The following PDE7B variants were observed in gnomAD, a reference collection of about 807,000 sequenced individuals.
The protein encoded by PDE7B is phosphodiesterase 7B.
A neutral mutation model predicts 56.2 loss-of-function variants in PDE7B; 29 were observed. The ratio of observed to expected loss-of-function variants is 0.52; its 90% CI spans 0.38 to 0.70. PDE7B has a LOEUF of 0.70. Among genes scored for constraint, PDE7B ranks in the 30% least tolerant of loss-of-function variants. The pLI, the probability that PDE7B is intolerant of heterozygous loss-of-function variation, is 0.00. For synonymous variants in PDE7B, 197 were observed against 196.9 expected (o/e 1.00, Z 0.00); for missense variants, 490 against 565.0 (o/e 0.87, Z 1.35).
rs75883735 is a variant in PDE7B at position 135,936,041 on chromosome 6, G to T, written c.22-11423G>T. ...TTTGTGGCTCAGAGGCTCTGCGTTT[G>T]CATGTTGGGCTTCATGTTCTGGAAG... On this transcript the variant is annotated intron_variant, in intron 1 of 12. Coordinates refer to ENST00000308191, the MANE Select transcript of PDE7B (RefSeq NM_018945.4). 1.7e-3 allele frequency among the ~76,000 whole-genome samples: 258 copies of T among 152,310 alleles called. 6 individuals carry two copies. In the East Asian group the frequency reaches 0.042, roughly 25 times the overall value.
intron 3 of PDE7B, among the ~76,000 whole-genome samples, chr6:136,147,047 C>A (rs942619945): frequency 6.6e-6 from 1 of 151,772 alleles, no homozygotes; most frequent in South Asian, 2.1e-4. Flanking sequence ...GAGGGTGAGG[C>A]GGGAGGATCG....
chr6:135,960,269 A>G (rs986971477), intron 2 of PDE7B, among the ~76,000 whole-genome samples: 2 of 152,202 alleles, frequency 1.3e-5, no homozygotes, highest in African/African-American at 4.8e-5. Flanking sequence ...TTTCCCTTGT[A>G]GCAACTGTAC....
At chr6:136,097,580 C>T (rs1054053479) in intron 2 of PDE7B, among the ~76,000 whole-genome samples, 4 of 152,170 alleles carry the variant, frequency 2.6e-5, no homozygotes, top group African/African-American at 9.7e-5. Flanking sequence ...CTCCATACTG[C>T]ACCCAAAGTT....
In PDE7B at chr6:136,191,560, T is replaced by G. The variant is rs553791124; in HGVS notation, c.1127-54T>G. The G allele has an allele frequency of 3.1e-5, 45 of 1,429,284 alleles. No homozygotes were observed. The South Asian group carries it at 5.3e-4, about 17-fold the overall frequency. The allele number at this position is 1,429,284 out of a possible 1,614,324, so 88.5% of individuals were successfully genotyped here. On this transcript the variant is annotated intron_variant, in intron 12 of 12. Transcript: ENST00000308191. ...GTCCCCAGTCATGCTCGGGAGGGAG[T>G]AAGGAGCGGGTTTCACCACGCTGTG...
intron 1 of PDE7B, among the ~76,000 whole-genome samples, chr6:135,932,790 C>A (rs1381465263): frequency 6.6e-6 from 1 of 152,174 alleles, no homozygotes; most frequent in Admixed American, 6.5e-5. Flanking sequence ...CACTTGTTTA[C>A]ACTTGCTTAA....
chr6:136,060,763 T>G (rs1008835458), intron 2 of PDE7B, among the ~76,000 whole-genome samples: 1 of 152,164 alleles, frequency 6.6e-6, no homozygotes, highest in African/African-American at 2.4e-5. Flanking sequence ...CTGTGCTGAG[T>G]AAATTCAAGG....
intron 1 of PDE7B, among the ~76,000 whole-genome samples, chr6:135,858,355 G>A (rs1250131313): frequency 1.3e-5 from 2 of 152,094 alleles, no homozygotes; most frequent in Non-Finnish European, 2.9e-5. Flanking sequence ...ATTTCACCAT[G>A]TTGGCCAGGC....
At chr6:135,922,639 C>T (rs1774105665) in intron 1 of PDE7B, among the ~76,000 whole-genome samples, 1 of 152,112 alleles carries the variant, frequency 6.6e-6, no homozygotes, top group African/African-American at 2.4e-5. Flanking sequence ...TGCTTGCTTG[C>T]TTCTGCTTTT....
Position 135,929,025 on chromosome 6 carries a change from G to A in PDE7B, c.22-18439G>A, listed in dbSNP as rs576248658. Among the ~76,000 whole-genome samples, 25 of 152,088 alleles carry A rather than the reference G, an allele frequency of 1.6e-4. 1 individual carries two copies. The South Asian group carries it at 5.2e-3, about 32-fold the overall frequency. On this transcript the variant is annotated intron_variant, in intron 1 of 12. Transcript: ENST00000308191. ...CACAGCCTAAAATACAGTAAGAACT[G>A]GGTTATTTTTATACCTAATAACACT...
intron 2 of PDE7B, among the ~76,000 whole-genome samples, chr6:136,078,375 G>A (rs1276054690): frequency 1.3e-5 from 2 of 152,016 alleles, no homozygotes; most frequent in Non-Finnish European, 2.9e-5. Context: ...GACTTAAAGG[G>A]CAAAAGTGCC....
chr6:135,980,519 A>G (rs1318024239), intron 2 of PDE7B, among the ~76,000 whole-genome samples: 7 of 150,900 alleles, frequency 4.6e-5, no homozygotes, highest in South Asian at 2.1e-4. Context: ...ACAAAATGGG[A>G]GAAAATTTTC....
chr6:135,862,953 A>G (rs9376158), intron 1 of PDE7B, among the ~76,000 whole-genome samples: 17,784 of 151,878 alleles, frequency 0.12, 1,482 homozygotes, highest in African/African-American at 0.23. Context: ...ATTAATTTGC[A>G]AACAAATTGG....
chr6:136,179,924 T>A (rs1020988994), intron 10 of PDE7B, among the ~76,000 whole-genome samples: 1 of 152,250 alleles, frequency 6.6e-6, no homozygotes, highest in Admixed American at 6.5e-5. Flanking sequence ...ATTTGTGACA[T>A]GACAAATTAC....
At chr6:136,145,249 T>C (rs1455494308) in intron 3 of PDE7B, among the ~76,000 whole-genome samples, 1 of 152,130 alleles carries the variant, frequency 6.6e-6, no homozygotes, top group East Asian at 1.9e-4. Context: ...CAGCCAATGG[T>C]TTACAATCCA....
chr6:135,942,859 T>TG (rs1774530012), intron 1 of PDE7B, among the ~76,000 whole-genome samples: 1 of 151,356 alleles, frequency 6.6e-6, no homozygotes, highest in South Asian at 2.1e-4. Flanking sequence ...TAATATTCCA[T>TG]TGTGTGTGTG....
intron 2 of PDE7B, among the ~76,000 whole-genome samples, chr6:136,086,783 A>G (rs1777299690): frequency 6.6e-6 from 1 of 152,254 alleles, no homozygotes; most frequent in Non-Finnish European, 1.5e-5. Flanking sequence ...AAATACTGTT[A>G]TTAGAGACAT....
intron 2 of PDE7B, among the ~76,000 whole-genome samples, chr6:136,006,042 C>T (rs1264928550): frequency 6.6e-6 from 1 of 151,780 alleles, no homozygotes; most frequent in Non-Finnish European, 1.5e-5. Context: ...ATGATGAGAT[C>T]ATGTCCTTTG....
intron 2 of PDE7B, among the ~76,000 whole-genome samples, chr6:136,052,961 G>C (rs1402480564): frequency 6.6e-6 from 1 of 151,990 alleles, no homozygotes; most frequent in Non-Finnish European, 1.5e-5. Context: ...GCACAAGCTG[G>C]GTCCTATCCC....
At chr6:136,068,546 T>C (rs914133246) in intron 2 of PDE7B, among the ~76,000 whole-genome samples, 12 of 147,894 alleles carry the variant, frequency 8.1e-5, no homozygotes, top group African/African-American at 2.5e-4. Context: ...TTCTCCTGCC[T>C]CAGCCTCAAG....
Sources: allele counts gnomAD v4.1 joint callset (sites outside exome capture counted in the v4.1 genomes callset), GRCh38; gene constraint gnomAD v4.1.1; transcripts MANE v1.5; gene names NCBI Gene and HGNC (gene_info 2026-07-23, HGNC 2026-07-21).